RNF145: variants seen among roughly 807,000 people sequenced by gnomAD.
The protein encoded by RNF145 is ring finger protein 145.
In RNF145, 12 loss-of-function variants were observed where a neutral mutation model predicts 57.3. The ratio of observed to expected loss-of-function variants is 0.21; its 90% CI spans 0.13 to 0.34. The LOEUF is 0.34. RNF145 is among the 10% of genes least tolerant of loss of function. RNF145 has a pLI of 1.00. For missense variants in RNF145, 429 were observed against 799.0 expected (o/e 0.54, Z 5.58); for synonymous variants, 262 against 288.3 (o/e 0.91, Z 0.92).
intron 7 of RNF145, 30 bp downstream of exon 7, chr5:159,169,649 T>C: frequency 6.6e-7 from 1 of 1,520,068 alleles, no homozygotes; most frequent in Middle Eastern, 2.3e-4. Flanking sequence ...AGTATTTACA[T>C]TTCTAGATAT....
chr5:159,177,342 G>A (rs78671408), intron 4 of RNF145, among the ~76,000 whole-genome samples: 2 of 151,876 alleles, frequency 1.3e-5, no homozygotes, highest in Admixed American at 6.6e-5. Context: ...TTTATTTTTG[G>A]AGGGCCAAGT....
At chr5:159,199,699 C>G (rs996845342) in intron 2 of RNF145, among the ~76,000 whole-genome samples, 1 of 152,168 alleles carries the variant, frequency 6.6e-6, no homozygotes, top group African/African-American at 2.4e-5. Context: ...AGCTCACCTG[C>G]TCTAAAATCC....
chr5:159,182,100 G>A (rs781382880), intron 3 of RNF145, 49 bp from the exon 4 acceptor site: 18 of 1,138,238 alleles, frequency 1.6e-5, no homozygotes, highest in Non-Finnish European at 1.8e-5. Context: ...CATTCCTAGC[G>A]GAATCACAAT....
At chr5:159,170,485 C>T (rs1784513591) in intron 6 of RNF145, among the ~76,000 whole-genome samples, 1 of 152,138 alleles carries the variant, frequency 6.6e-6, no homozygotes, top group African/African-American at 2.4e-5. Flanking sequence ...TACACTAGAA[C>T]TTGGAAATAT....
chr5:159,186,382 T>C (rs1785055760), intron 3 of RNF145, among the ~76,000 whole-genome samples: 1 of 152,238 alleles, frequency 6.6e-6, no homozygotes, highest in Admixed American at 6.5e-5. Context: ...ACCTTTATTA[T>C]AACAGTCTCT....
intron 4 of RNF145, among the ~76,000 whole-genome samples, chr5:159,177,832 A>T (rs1416752620): frequency 1.3e-5 from 2 of 152,018 alleles, no homozygotes; most frequent in African/African-American, 2.4e-5. Flanking sequence ...TATTTCCCAA[A>T]TTTTTTAAAT....
At chr5:159,163,351 T>C (rs1342676081) in intron 8 of RNF145, among the ~76,000 whole-genome samples, 1 of 152,238 alleles carries the variant, frequency 6.6e-6, no homozygotes, top group Non-Finnish European at 1.5e-5. Flanking sequence ...AATTTCAAAT[T>C]ATTTCAGGCT....
chr5:159,209,468 C>G lies in RNF145; in HGVS notation c.-277G>C, dbSNP rs1786027040. The G allele has an allele frequency of 1.0e-6, 1 of 982,272 alleles. No individual in the cohort carries two copies. The highest frequency in any genetic ancestry group is 1.8e-5 in the African/African-American group (1 of 57,020). The allele number at this position is 982,272 out of a possible 1,614,324, so 60.8% of individuals were successfully genotyped here. On this transcript the variant is annotated 5_prime_UTR_variant, in exon 1 of 11. Transcript: ENST00000424310. ...TCACCATCGTCCGCGGCAGCAGGCG[C>G]TCGCGGGCCGAGCCCCTTAGCAGCC...
At position 159,203,344 on chromosome 5, in the gene RNF145, T is replaced by A; in HGVS notation, c.184+90A>T. 7.0e-6 allele frequency: 6 copies of A among 862,624 alleles called. No individual in the cohort carries two copies. In the Admixed American group the frequency reaches 1.2e-4, roughly 18 times the overall value. 53.4% of individuals were successfully genotyped at this position (862,624 alleles called of 1,614,324 possible). ...TATATCACTATCATCTTAATGAAAA[T>A]GAACTTCATTTTACCCAAATTCAAA... On this transcript the variant is annotated intron_variant, in intron 2 of 10. Transcript: ENST00000424310.
At chr5:159,164,345 C>A (rs1466727139) in intron 8 of RNF145, among the ~76,000 whole-genome samples, 5 of 152,136 alleles carry the variant, frequency 3.3e-5, no homozygotes, top group African/African-American at 1.2e-4. Context: ...AGTAGCTGTA[C>A]TGTGTTAGAT....
At chr5:159,207,396 C>G in intron 1 of RNF145, 1 of 889,448 alleles carries the variant, frequency 1.1e-6, no homozygotes, top group Middle Eastern at 2.2e-4. Flanking sequence ...AAGAATGACA[C>G]GTGACCCAAC....
chr5:159,198,171 G>A (rs188070951), intron 2 of RNF145, among the ~76,000 whole-genome samples: 25 of 152,122 alleles, frequency 1.6e-4, no homozygotes, highest in Non-Finnish European at 3.1e-4. Context: ...GAGCCCAGAA[G>A]GTTGATGCTG....
At chr5:159,172,174 T>C (rs534804662) in intron 6 of RNF145, among the ~76,000 whole-genome samples, 2 of 152,290 alleles carry the variant, frequency 1.3e-5, no homozygotes, top group Middle Eastern at 3.4e-3. Flanking sequence ...TCTCTCTATA[T>C]GCAGTTACTT....
chr5:159,162,430 T>G (rs1187810466), intron 9 of RNF145, among the ~76,000 whole-genome samples: 2 of 64,722 alleles, frequency 3.1e-5, no homozygotes, highest in Non-Finnish European at 5.5e-5. Flanking sequence ...ATTTTCTTTT[T>G]TTTTTTTTTT....
Position 159,181,724 on chromosome 5 carries a change from A to G in RNF145, c.385+236T>C, listed in dbSNP as rs192601151. Among the ~76,000 whole-genome samples the G allele has an allele frequency of 3.2e-4, 47 of 148,226 alleles. No homozygotes were observed. The East Asian group carries it at 8.0e-3, about 25-fold the overall frequency. ...CTTCTCAAATACTTAAAAAACCCTT[A>G]AAAAAACACAAGCAACTGTGCACTA... is the stretch of plus-strand genomic sequence containing the variant. On this transcript the variant is annotated intron_variant, in intron 4 of 10. Transcript: ENST00000424310.
intron 10 of RNF145, among the ~76,000 whole-genome samples, chr5:159,160,155 C>T (rs1453241661): frequency 1.3e-5 from 2 of 151,966 alleles, no homozygotes; most frequent in Admixed American, 6.6e-5. Flanking sequence ...GTGCTTTGTC[C>T]TGAGTACAAT....
At chr5:159,204,571 C>T (rs1785801076) in intron 1 of RNF145, among the ~76,000 whole-genome samples, 1 of 151,916 alleles carries the variant, frequency 6.6e-6, no homozygotes, top group Non-Finnish European at 1.5e-5. Flanking sequence ...TTTGGGAAGC[C>T]GAAGCAGGCA....
intron 1 of RNF145, chr5:159,207,983 T>G: frequency 6.4e-7 from 1 of 1,570,158 alleles, no homozygotes; most frequent in Non-Finnish European, 8.6e-7. Context: ...GCACACTCCG[T>G]ATTTTAAAAA....
intron 2 of RNF145, among the ~76,000 whole-genome samples, chr5:159,199,343 T>C (rs2113227702): frequency 1.5e-5 from 2 of 131,892 alleles, no homozygotes; most frequent in South Asian, 4.7e-4. Context: ...AGAAAACAAA[T>C]CAAAAGAATC....
Sources: gnomAD v4.1 joint callset for allele counts (sites outside exome capture counted in the v4.1 genomes callset) on GRCh38, gnomAD v4.1.1 for gene constraint, MANE v1.5 for transcripts, NCBI Gene and HGNC (gene_info 2026-07-23, HGNC 2026-07-21) for gene names.